Variants in ENTREP2 observed in about 807,000 individuals in gnomAD.
ENTREP2 encodes the protein endosomal transmembrane epsin interactor 2.
the ENTREP2 span, among the ~76,000 whole-genome samples, chr15:29,665,821 G>A: frequency 6.7e-6 from 1 of 149,062 alleles, no homozygotes; most frequent in Non-Finnish European, 1.5e-5. Flanking sequence ...GCACGTGTAT[G>A]TTAGGAATGC....
chr15:29,458,331 C>T, the ENTREP2 span, among the ~76,000 whole-genome samples: 27 of 152,216 alleles, frequency 1.8e-4, no homozygotes, highest in African/African-American at 6.3e-4. Context: ...CTTCTTTCCT[C>T]AGTCTGCTGA....
the ENTREP2 span, among the ~76,000 whole-genome samples, chr15:29,631,513 C>T: frequency 2.0e-5 from 3 of 152,316 alleles, no homozygotes; most frequent in Non-Finnish European, 2.9e-5. Context: ...TGTTAGTGTG[C>T]CACCTGCGGG....
chr15:29,657,330 C>G, the ENTREP2 span, among the ~76,000 whole-genome samples: 8 of 152,032 alleles, frequency 5.3e-5, no homozygotes, highest in East Asian at 1.4e-3. Context: ...AAAGCGCCCA[C>G]CAGTGTTACA....
chr15:29,642,399 A>C, the ENTREP2 span, among the ~76,000 whole-genome samples: 2 of 151,202 alleles, frequency 1.3e-5, no homozygotes, highest in African/African-American at 2.4e-5. Flanking sequence ...GGGAGAGAAT[A>C]ATCTTTTCAA....
At chr15:29,338,076 C>T in the ENTREP2 span, among the ~76,000 whole-genome samples, 7 of 152,034 alleles carry the variant, frequency 4.6e-5, no homozygotes, top group East Asian at 1.9e-4. Flanking sequence ...CATACATGTA[C>T]GTATATCATC....
the ENTREP2 span, among the ~76,000 whole-genome samples, chr15:29,220,814 G>GA: frequency 1.4e-3 from 208 of 144,398 alleles, no homozygotes; most frequent in Middle Eastern, 3.4e-3. Flanking sequence ...ACCTTTTAGG[G>GA]AAAAAAAAAA....
At chr15:29,570,511 G>A in the ENTREP2 span, 2 of 1,388,572 alleles carry the variant, frequency 1.4e-6, no homozygotes, top group Admixed American at 5.8e-5. Flanking sequence ...TCACCGAGAA[G>A]CCTGCCCAGA....
At chr15:29,514,496 G>A in the ENTREP2 span, among the ~76,000 whole-genome samples, 3 of 152,134 alleles carry the variant, frequency 2.0e-5, no homozygotes, top group Non-Finnish European at 4.4e-5. Context: ...TTTGGCTATT[G>A]TAAACAAGGC....
chr15:29,484,849 G>A, the ENTREP2 span, among the ~76,000 whole-genome samples: 7 of 152,272 alleles, frequency 4.6e-5, no homozygotes, highest in South Asian at 1.0e-3. Context: ...TTAAAAGCAC[G>A]TATTATCATA....
the ENTREP2 span, among the ~76,000 whole-genome samples, chr15:29,431,411 T>C: frequency 6.6e-6 from 1 of 152,188 alleles, no homozygotes; most frequent in Non-Finnish European, 1.5e-5. Context: ...ACTGTTAGAC[T>C]GCTTTGAGTC....
At chr15:29,662,421 A>G in the ENTREP2 span, among the ~76,000 whole-genome samples, 1 of 152,030 alleles carries the variant, frequency 6.6e-6, no homozygotes, top group Admixed American at 6.6e-5. Context: ...ATTTTCCCCA[A>G]ATAAAAATAT....
At chr15:29,304,182 T>A in the ENTREP2 span, among the ~76,000 whole-genome samples, 1 of 152,128 alleles carries the variant, frequency 6.6e-6, no homozygotes, top group African/African-American at 2.4e-5. Flanking sequence ...CGCACCCGGC[T>A]GTATGGCATT....
At chr15:29,184,073 C>T in the ENTREP2 span, among the ~76,000 whole-genome samples, 20 of 152,122 alleles carry the variant, frequency 1.3e-4, no homozygotes, top group Non-Finnish European at 2.5e-4. Context: ...CAGCCTCAAC[C>T]TCTCAGGCTC....
the ENTREP2 span, among the ~76,000 whole-genome samples, chr15:29,570,896 G>C: frequency 2.1e-5 from 3 of 144,932 alleles, no homozygotes; most frequent in Admixed American, 6.8e-5. Context: ...GCGGGGAGCC[G>C]GGCGCCCGCA....
At chr15:29,397,941 T>C in the ENTREP2 span, among the ~76,000 whole-genome samples, 5 of 152,024 alleles carry the variant, frequency 3.3e-5, no homozygotes, top group Admixed American at 6.6e-5. Context: ...ATTTTTCCTG[T>C]GCTGGATCAA....
At chr15:29,590,619 G>C in the ENTREP2 span, among the ~76,000 whole-genome samples, 8 of 144,426 alleles carry the variant, frequency 5.5e-5, no homozygotes, top group African/African-American at 1.8e-4. Flanking sequence ...AGGAAGCAGA[G>C]GTTGCAGTGA....
At chr15:29,388,750 A>G in the ENTREP2 span, among the ~76,000 whole-genome samples, 1 of 152,184 alleles carries the variant, frequency 6.6e-6, no homozygotes, top group Non-Finnish European at 1.5e-5. Flanking sequence ...TTAAGAAAAT[A>G]TGCCACATAT....
chr15:29,155,268 C>G, the ENTREP2 span, among the ~76,000 whole-genome samples: 8 of 142,198 alleles, frequency 5.6e-5, no homozygotes, highest in East Asian at 1.1e-3. Flanking sequence ...GGCAACAGAA[C>G]GAGACTCCAT....
chr15:29,331,133 G>A, the ENTREP2 span, among the ~76,000 whole-genome samples: 16 of 152,346 alleles, frequency 1.1e-4, 1 homozygote, highest in Admixed American at 9.1e-4. Context: ...CGGAATGAGG[G>A]CTTAATGTTT....
Sources: allele counts gnomAD v4.1 joint callset (sites outside exome capture counted in the v4.1 genomes callset), GRCh38; gene constraint gnomAD v4.1.1; transcripts MANE v1.5; gene names NCBI Gene and HGNC (gene_info 2026-07-23, HGNC 2026-07-21).